FER1L6: variants seen among roughly 807,000 people sequenced by gnomAD.
FER1L6 encodes fer-1-like protein 6.
Under a neutral mutation model 219.2 loss-of-function variants are expected in FER1L6, and 177 were observed. The ratio of observed to expected loss-of-function variants is 0.81; its 90% CI spans 0.71 to 0.91. The LOEUF (loss-of-function observed/expected upper bound fraction) is 0.91. Among genes scored for constraint, FER1L6 ranks in the 40% least tolerant of loss-of-function variants. FER1L6 has a pLI of 0.00. For synonymous variants in FER1L6, 768 were observed against 824.3 expected (o/e 0.93, Z 1.17); for missense variants, 2,153 against 2,259.9 (o/e 0.95, Z 0.96).
intron 1 of FER1L6, among the ~76,000 whole-genome samples, chr8:123,943,421 C>T (rs757990011): frequency 1.7e-4 from 26 of 152,122 alleles, no homozygotes; most frequent in Non-Finnish European, 3.5e-4. Flanking sequence ...TGATCAGAGT[C>T]GGGCTCTGGC....
At chr8:123,872,507 TA>T (rs1816942042) in intron 1 of FER1L6, among the ~76,000 whole-genome samples, 1 of 152,160 alleles carries the variant, frequency 6.6e-6, no homozygotes, top group African/African-American at 2.4e-5. Flanking sequence ...GGAGCGGAAG[TA>T]ATACATTATG....
At chr8:123,934,383 T>G (rs1813901512) in intron 1 of FER1L6, among the ~76,000 whole-genome samples, 1 of 144,832 alleles carries the variant, frequency 6.9e-6, no homozygotes, top group Admixed American at 7.0e-5. Flanking sequence ...CTAGTCTCCT[T>G]TAATACAGGG....
chr8:124,080,940 C>T (rs1228132093), intron 32 of FER1L6, among the ~76,000 whole-genome samples: 2 of 152,232 alleles, frequency 1.3e-5, no homozygotes, highest in Non-Finnish European at 2.9e-5. Context: ...TGGCCTGCTA[C>T]AGCCACTTCT....
chr8:124,097,072 G>GATATATAT lies in FER1L6; in HGVS notation c.4696-183_4696-176dup, dbSNP rs565301549. Among the ~76,000 whole-genome samples the GATATATAT allele has an allele frequency of 1.0e-3, 148 of 146,852 alleles. 1 individual carries two copies. The highest frequency in any genetic ancestry group is 3.4e-3 in the African/African-American group (134 of 39,380). On this transcript the variant is annotated intron_variant, in intron 35 of 40. Transcript: ENST00000522917. Reference sequence around the variant, plus strand: ...CTTAATTTATGCTCTAATTCCTAAAGATATATATATATATATATATATACA... The same window carrying GATATATAT: ...CTTAATTTATGCTCTAATTCCTAAAGATATATATATATATATATATATATATATATACA...
In FER1L6 at chr8:124,118,849, G is replaced by A; in HGVS notation, c.5295G>A (p.Lys1765=). The part of the protein sequence containing the change: ...PFSKSKELTG[K]VEAEFHLVTA... ...GGTTTTGCATCTTTTTGCAGGGCAA[G>A]GTTGAAGCTGAGTTCCACCTAGTTA... The change falls in exon 40 of 41, where the codon AAG becomes AAA. Residue 1765 remains lysine (K), a synonymous_variant. Transcript: ENST00000522917. 1 of 1,613,912 alleles carries A rather than the reference G, an allele frequency of 6.2e-7. No homozygotes were observed. Among genetic ancestry groups the A allele is most frequent in the Non-Finnish European group, 8.5e-7 (1 of 1,179,922 alleles).
chr8:124,099,481 C>A (rs2130977660), intron 37 of FER1L6, among the ~76,000 whole-genome samples: 1 of 152,304 alleles, frequency 6.6e-6, no homozygotes, highest in African/African-American at 2.4e-5. Context: ...CATTTCACCT[C>A]CCAAGTGGCC....
chr8:124,071,640 T>C lies in FER1L6; in HGVS notation c.4092+9T>C, dbSNP rs369672728. On this transcript the variant is annotated intron_variant, in intron 31 of 40. Transcript: ENST00000522917. ...GAGTATACATTGTCGCGGTGAGCCA[T>C]TCTTGTTTGCTCTGAGGGGGTGTAT... is the stretch of plus-strand genomic sequence containing the variant. The C allele has an allele frequency of 5.6e-6, 9 of 1,610,586 alleles. No homozygotes were observed. The African/African-American group carries it at 1.1e-4, about 19-fold the overall frequency.
chr8:124,082,668 A>AT (rs1182396476), intron 33 of FER1L6, among the ~76,000 whole-genome samples: 1 of 152,154 alleles, frequency 6.6e-6, no homozygotes, highest in Non-Finnish European at 1.5e-5. Context: ...GGCAGCTCTG[A>AT]TTGAGAACCA....
intron 1 of FER1L6, among the ~76,000 whole-genome samples, chr8:123,949,665 G>C (rs890812014): frequency 3.9e-5 from 6 of 152,192 alleles, no homozygotes; most frequent in African/African-American, 1.4e-4. Context: ...CAGCTGCAGG[G>C]AGGAGAAGCT....
chr8:124,015,227 G>T (rs1441518345), intron 15 of FER1L6, among the ~76,000 whole-genome samples: 1 of 152,080 alleles, frequency 6.6e-6, no homozygotes, highest in Non-Finnish European at 1.5e-5. Context: ...CAAGTCACTA[G>T]GCCCAGCCCA....
Position 124,021,582 on chromosome 8 carries a change from T to C in FER1L6, c.2046T>C (p.Ile682=). ...EAMCKEAKGI[I]QQQKKKLSVD... ...TGTGCAAGGAGGCCAAGGGGATCAT[T>C]CAGCAGCAGAAGAAAAAGTTATCTG... The change falls in exon 17 of 41, where the codon ATT becomes ATC. Residue 682 remains isoleucine, a synonymous_variant. Transcript: ENST00000522917. The C allele has an allele frequency of 6.2e-7, 1 of 1,614,166 alleles. No homozygotes were observed. The highest frequency in any genetic ancestry group is 1.3e-5 in the African/African-American group (1 of 75,042).
chr8:124,030,385 TA>T (rs1563754088), intron 18 of FER1L6, among the ~76,000 whole-genome samples: 2 of 152,154 alleles, frequency 1.3e-5, no homozygotes, highest in African/African-American at 4.8e-5. Flanking sequence ...ATGATGCTAC[TA>T]AAAATGATGG....
chr8:123,867,143 C>T (rs1296937701), intron 1 of FER1L6, among the ~76,000 whole-genome samples: 1 of 152,054 alleles, frequency 6.6e-6, no homozygotes. Flanking sequence ...GTTGCCTAGA[C>T]CAATGTTGTG....
chr8:123,859,465 C>T (rs115426019), intron 1 of FER1L6, among the ~76,000 whole-genome samples: 55 of 151,974 alleles, frequency 3.6e-4, no homozygotes, highest in African/African-American at 1.3e-3. Context: ...AAACTTTCTA[C>T]ACTATGATCC....
chr8:123,980,387 C>T (rs1816269612), intron 10 of FER1L6, 78 bp from the exon 11 acceptor site: 3 of 1,172,222 alleles, frequency 2.6e-6, no homozygotes, highest in Admixed American at 4.8e-5. Flanking sequence ...CTTGGATATT[C>T]TACATTTTGA....
intron 15 of FER1L6, 90 bp from the exon 16 acceptor site, chr8:124,017,538 G>A: frequency 2.0e-6 from 2 of 979,452 alleles, no homozygotes; most frequent in Non-Finnish European, 3.2e-6. Flanking sequence ...GCTTTCCACT[G>A]TATTGCAGAA....
chr8:124,017,793 C>A, intron 16 of FER1L6, 75 bp downstream of exon 16: 1 of 1,199,830 alleles, frequency 8.3e-7, no homozygotes, highest in Non-Finnish European at 1.2e-6. Flanking sequence ...GGTCACAGAC[C>A]AAATGAGGTT....
chr8:123,856,316 G>GTGTGTGTGTGTATATATATATATATATA (rs71576706), intron 1 of FER1L6, among the ~76,000 whole-genome samples: 1 of 45,112 alleles, frequency 2.2e-5, no homozygotes, highest in African/African-American at 8.7e-5. Flanking sequence ...ATATGTATGT[G>GTGTGTGTGTGTATATATATATATATATA]TATATATATA....
intron 2 of FER1L6, among the ~76,000 whole-genome samples, chr8:123,958,628 G>A (rs1295257179): frequency 6.6e-6 from 1 of 152,002 alleles, no homozygotes; most frequent in Non-Finnish European, 1.5e-5. Context: ...TACTCTGATT[G>A]TACCATCTGT....
Sources: gnomAD v4.1 joint callset for allele counts (sites outside exome capture counted in the v4.1 genomes callset) on GRCh38, gnomAD v4.1.1 for gene constraint, MANE v1.5 for transcripts, NCBI Gene and HGNC (gene_info 2026-07-23, HGNC 2026-07-21) for gene names.